Variants in SOX5 observed in about 807,000 individuals in gnomAD.
SOX5 encodes the protein transcription factor SOX-5.
In SOX5, 9 loss-of-function variants were observed where a neutral mutation model predicts 92.0. The ratio of observed to expected loss-of-function variants is 0.10; its 90% CI spans 0.06 to 0.17. The LOEUF is 0.17. Ranked by LOEUF, SOX5 falls within the 10% of genes least tolerant of loss-of-function variation. The pLI is 1.00. For synonymous variants in SOX5, 344 were observed against 336.3 expected, an observed-to-expected ratio of 1.02 and a Z score of -0.25; for missense variants, 642 against 944.5, an observed-to-expected ratio of 0.68 and a Z score of 4.20.
At chr12:24,057,006 A>T (rs1015976382) in intron 4 of SOX5, among the ~76,000 whole-genome samples, 4 of 147,784 alleles carry the variant, frequency 2.7e-5, no homozygotes, top group Non-Finnish European at 4.5e-5. Context: ...CAACAAAAAA[A>T]AAGAAAGTAA....
rs888102108 is a variant in SOX5 at position 24,359,174 on chromosome 12, T to C, written c.-174+9389A>G. Among the ~76,000 whole-genome samples, 34 of 152,216 alleles carry C rather than the reference T, an allele frequency of 2.2e-4. 1 individual carries two copies. The highest frequency in any genetic ancestry group is 1.3e-4 in the Admixed American group (2 of 15,282). The stretch of plus-strand genomic sequence containing the variant: ...CTTGGTAGTAGGGACAACTTTAAAT[T>C]GAGCTTTTTCAAGTCAGTATAATGT... On this transcript the variant is annotated intron_variant, in intron 2 of 4. Coordinates refer to the SOX5 transcript ENST00000446891.
At chr12:23,871,371 C>T (rs1311280794) in intron 2 of SOX5, among the ~76,000 whole-genome samples, 1 of 152,014 alleles carries the variant, frequency 6.6e-6, no homozygotes, top group Non-Finnish European at 1.5e-5. Context: ...ATCAGTTGTT[C>T]AATATCAATT....
In SOX5 at chr12:24,393,491, C is replaced by G. The variant is rs1959181516; in HGVS notation, c.-250-24852G>C. Among the ~76,000 whole-genome samples, 1 of 152,078 alleles carries G rather than the reference C, an allele frequency of 6.6e-6. No individual in the cohort carries two copies. Among genetic ancestry groups the G allele is most frequent in the African/African-American group, 2.4e-5 (1 of 41,380 alleles). On this transcript the variant is annotated intron_variant, in intron 1 of 4. Transcript: ENST00000446891. This position sits in a 1 kb window ranked among gnomAD's most constrained non-coding sequence, Gnocchi z 5.0. ...GGGTCATCTGTACTGAGTCTACCAC[C>G]CACCCCAAAATAAGTAGGTATCTGA...
chr12:23,914,520 A>G (rs1653957931), intron 1 of SOX5, among the ~76,000 whole-genome samples: 1 of 152,140 alleles, frequency 6.6e-6, no homozygotes, highest in Non-Finnish European at 1.5e-5. Context: ...CATCTCTATC[A>G]CGGCAGAGGA....
intron 6 of SOX5, among the ~76,000 whole-genome samples, chr12:23,701,452 T>G (rs2090616827): frequency 6.6e-6 from 1 of 152,068 alleles, no homozygotes; most frequent in African/African-American, 2.4e-5. Context: ...CTTTTCTCTC[T>G]TCACCATAAA....
chr12:24,280,111 G>A (rs1356965053), intron 2 of SOX5, among the ~76,000 whole-genome samples: 1 of 151,946 alleles, frequency 6.6e-6, no homozygotes, highest in Non-Finnish European at 1.5e-5. Context: ...TCATTTTATG[G>A]ACTAATGTAC....
chr12:23,536,404 G>A, intron 14 of SOX5, 49 bp downstream of exon 14: 1 of 1,352,348 alleles, frequency 7.4e-7, no homozygotes, highest in Non-Finnish European at 1.1e-6. Context: ...ATCCCATTAA[G>A]TATAACAGGA....
At chr12:24,290,550 G>T (rs187420306) in intron 2 of SOX5, among the ~76,000 whole-genome samples, 3 of 152,104 alleles carry the variant, frequency 2.0e-5, no homozygotes, top group South Asian at 2.1e-4. Context: ...TACACAACTG[G>T]TCAGTGTTGG....
At position 23,978,449 on chromosome 12, in the gene SOX5, A is replaced by C. The variant is rs552125012; in HGVS notation, c.-1-82425T>G. On this transcript the variant is annotated intron_variant, in intron 4 of 4. Coordinates refer to the SOX5 transcript ENST00000446891. Reference sequence around the variant, plus strand: ...TATTAGTTACACACAGAACTAAAACATGAGACCAGAGATGTGATATCTAGC... The same window carrying C: ...TATTAGTTACACACAGAACTAAAACCTGAGACCAGAGATGTGATATCTAGC... Among the ~76,000 whole-genome samples the C allele has an allele frequency of 1.3e-4, 20 of 152,352 alleles. No individual in the cohort carries two copies. In the South Asian group the frequency reaches 4.1e-3, roughly 32 times the overall value.
At chr12:23,999,957 G>T (rs1185009007) in intron 4 of SOX5, among the ~76,000 whole-genome samples, 2 of 151,678 alleles carry the variant, frequency 1.3e-5, no homozygotes, top group Non-Finnish European at 2.9e-5. Flanking sequence ...ATGCTATAAA[G>T]ATAATATAAA....
intron 1 of SOX5, among the ~76,000 whole-genome samples, chr12:24,476,090 G>A (rs1022833857): frequency 1.3e-5 from 2 of 152,152 alleles, no homozygotes; most frequent in Admixed American, 6.5e-5. Context: ...GCTAGGCAGT[G>A]CTACACAAGC....
chr12:24,259,506 C>T (rs1050207484), intron 3 of SOX5, among the ~76,000 whole-genome samples: 1 of 152,124 alleles, frequency 6.6e-6, no homozygotes, highest in African/African-American at 2.4e-5. Context: ...AAGTAAAAGG[C>T]ATTTTCAAAC....
intron 4 of SOX5, among the ~76,000 whole-genome samples, chr12:24,024,121 T>C (rs996755193): frequency 2.0e-5 from 3 of 152,030 alleles, no homozygotes; most frequent in African/African-American, 7.2e-5. Context: ...ATAGGTTATT[T>C]TGAGGAGATT....
At chr12:24,432,993 G>T (rs1250747324) in intron 1 of SOX5, among the ~76,000 whole-genome samples, 2 of 152,112 alleles carry the variant, frequency 1.3e-5, no homozygotes, top group Non-Finnish European at 2.9e-5. Flanking sequence ...TTTTAGCTCA[G>T]CAGTGATTTC....
intron 7 of SOX5, among the ~76,000 whole-genome samples, chr12:23,651,123 G>C (rs1237683251): frequency 6.6e-6 from 1 of 151,868 alleles, no homozygotes; most frequent in Non-Finnish European, 1.5e-5. Context: ...CATCGTTTTT[G>C]AATAATTACT....
At chr12:24,490,751 C>T (rs1946981450) in intron 1 of SOX5, among the ~76,000 whole-genome samples, 1 of 152,028 alleles carries the variant, frequency 6.6e-6, no homozygotes, top group South Asian at 2.1e-4. Context: ...TATCCAAAAC[C>T]AGAATGGAGA....
Position 23,665,525 on chromosome 12 carries a change from G to A in SOX5, c.850C>T (p.Pro284Ser), listed in dbSNP as rs1427905071. 10 of 1,613,256 alleles carry A rather than the reference G, an allele frequency of 6.2e-6. No individual in the cohort carries two copies. Among genetic ancestry groups the A allele is most frequent in the African/African-American group, 1.3e-5 (1 of 74,854 alleles). ...GCAGCCAGTGTCCGTTGATCAGGAG[G>A]GAATACGGGAATCATTAATGGCGGC... ...QLPPLMIPVFPPDQRTLAAAA... is the reference protein window; with the variant it reads ...QLPPLMIPVFSPDQRTLAAAA... Residue 284 changes from proline (P) to serine (S), a missense_variant, in exon 7 of 15, where the codon CCT (proline) becomes TCT (serine). By Grantham distance (74) the Pro-to-Ser change is moderately conservative. Transcript: ENST00000451604.
intron 6 of SOX5, among the ~76,000 whole-genome samples, chr12:23,690,613 T>G (rs2088597219): frequency 6.6e-6 from 1 of 152,182 alleles, no homozygotes; most frequent in Non-Finnish European, 1.5e-5. Flanking sequence ...CAGGTGTATC[T>G]AAAATGCAAA....
intron 3 of SOX5, among the ~76,000 whole-genome samples, chr12:23,816,367 GCCCGGC>G (rs2095994367): frequency 6.6e-6 from 1 of 151,874 alleles, no homozygotes. Context: ...GCACCACGAT[GCCCGGC>G]TAATTTTTTT....
Sources: gnomAD v4.1 joint callset for allele counts (sites outside exome capture counted in the v4.1 genomes callset) on GRCh38, gnomAD v4.1.1 for gene constraint, Gnocchi (gnomAD v3.1) non-coding constraint, MANE v1.5 for transcripts, NCBI Gene and HGNC (gene_info 2026-07-23, HGNC 2026-07-21) for gene names.